Variants in MTUS1 observed in about 807,000 individuals in gnomAD.
The protein encoded by MTUS1 is microtubule-associated tumor suppressor 1.
In MTUS1, 109 loss-of-function variants were observed where a neutral mutation model predicts 120.8. The observed-to-expected ratio is 0.90, with a 90% CI of 0.77 to 1.06. MTUS1 has a LOEUF of 1.06. Among genes scored for constraint, MTUS1 ranks in the 50% least tolerant of loss-of-function variants. The pLI is 0.00. For synonymous variants in MTUS1, 737 were observed against 550.5 expected (o/e 1.34, Z -4.74); for missense variants, 2,210 against 1,486.3 (o/e 1.49, Z -8.01).
At chr8:17,734,238 T>G (rs1434830807) in intron 3 of MTUS1, 1 of 152,256 alleles carries the variant, frequency 6.6e-6, no homozygotes, top group Non-Finnish European at 1.5e-5. Context: ...GTAAATACGT[T>G]GCAGAACACA....
rs548828043 is a variant in MTUS1, at chr8:17,792,423, G to A, written c.-155+8638C>T. Among the ~76,000 whole-genome samples the A allele has an allele frequency of 6.6e-4, 100 of 152,286 alleles. 1 individual carries two copies. The highest frequency in any genetic ancestry group is 2.2e-3 in the African/African-American group (93 of 41,574). ...ACTTTCCAACAAAATAGTCTTATCT[G>A]CAATATAAAATGGTTTAGGTTTTCT... is the stretch of plus-strand genomic sequence containing the variant. On this transcript the variant is annotated intron_variant, in intron 1 of 14. Coordinates refer to ENST00000693296, the MANE Select transcript of MTUS1 (RefSeq NM_001363059.2).
chr8:17,647,725 C>T (rs1420963114), intron 13 of MTUS1, among the ~76,000 whole-genome samples: 2 of 152,162 alleles, frequency 1.3e-5, no homozygotes, highest in Admixed American at 6.6e-5. Context: ...TCAAGGCAAA[C>T]AAACTGATCA....
intron 2 of MTUS1, among the ~76,000 whole-genome samples, chr8:17,751,721 G>A (rs906048339): frequency 1.3e-5 from 2 of 151,842 alleles, no homozygotes; most frequent in African/African-American, 2.4e-5. Flanking sequence ...AGCTGGATGT[G>A]GTGGTGCACG....
intron 2 of MTUS1, among the ~76,000 whole-genome samples, chr8:17,750,876 T>C (rs560694000): frequency 2.6e-4 from 39 of 152,290 alleles, no homozygotes; most frequent in African/African-American, 9.4e-4. Context: ...CCGTTTCAAA[T>C]AAAAATCAAG....
chr8:17,718,220 A>C (rs1215453826), intron 4 of MTUS1, among the ~76,000 whole-genome samples: 2 of 152,200 alleles, frequency 1.3e-5, no homozygotes, highest in Non-Finnish European at 2.9e-5. Flanking sequence ...TTCTGTTCCT[A>C]ACATGGCAAC....
chr8:17,682,440 C>G (rs1490605530), intron 7 of MTUS1, among the ~76,000 whole-genome samples: 2 of 150,340 alleles, frequency 1.3e-5, no homozygotes, highest in Non-Finnish European at 2.9e-5. Context: ...ATCACTTGAA[C>G]CCGGGAGGTG....
At chr8:17,662,147 T>G (rs564114033) in intron 8 of MTUS1, among the ~76,000 whole-genome samples, 3 of 152,080 alleles carry the variant, frequency 2.0e-5, no homozygotes, top group Non-Finnish European at 4.4e-5. Context: ...GTGCCACCTG[T>G]GTGTGCTCTC....
Position 17,655,886 on chromosome 8 carries a change from A to G in MTUS1, c.3085T>C (p.Tyr1029His). ...ACCTGCTCTTGCAATTGCATTTTGTACTTCTCTGCTTCTTCAATGTAAGTG... is the reference window on the plus strand; with the variant it reads ...ACCTGCTCTTGCAATTGCATTTTGTGCTTCTCTGCTTCTTCAATGTAAGTG... ...RDTYIEEAEK[Y>H]KMQLQEQFDN... Residue 1029 changes from tyrosine (Y) to histidine (H), a missense_variant, in exon 9 of 15, where the codon TAC becomes CAC. Transcript: ENST00000693296. The G allele has an allele frequency of 6.2e-7, 1 of 1,614,240 alleles. No homozygotes were observed. Among genetic ancestry groups the G allele is most frequent in the South Asian group, 1.1e-5 (1 of 91,088 alleles).
At chr8:17,658,756 C>T (rs1809020112) in intron 8 of MTUS1, among the ~76,000 whole-genome samples, 1 of 152,130 alleles carries the variant, frequency 6.6e-6, no homozygotes, top group South Asian at 2.1e-4. Context: ...ATGGCAGGTT[C>T]TTAGGAAGAT....
chr8:17,750,510 G>T (rs988582417), intron 2 of MTUS1, among the ~76,000 whole-genome samples: 1 of 152,134 alleles, frequency 6.6e-6, no homozygotes, highest in Admixed American at 6.5e-5. Context: ...TTTTGAAACC[G>T]TATGGTGTAT....
rs2051368785 is a variant in MTUS1 at position 17,787,143 on chromosome 8, T to TG, written c.-155+13917dup. ...CTGCCAAGGAGGGGCCACCGCTCCC[T>TG]GACACCCTGTCAATTCCACTGCTCC... On this transcript the variant is annotated intron_variant, in intron 1 of 14. Coordinates refer to ENST00000693296, the MANE Select transcript of MTUS1 (RefSeq NM_001363059.2). Among the ~76,000 whole-genome samples, 3 of 152,292 alleles carry TG rather than the reference T, an allele frequency of 2.0e-5. No homozygotes were observed. The South Asian group carries it at 6.2e-4, about 32-fold the overall frequency.
chr8:17,747,009 T>C (rs2047807556), intron 2 of MTUS1, among the ~76,000 whole-genome samples: 1 of 152,340 alleles, frequency 6.6e-6, no homozygotes, highest in South Asian at 2.1e-4. Context: ...ACTGAAACGA[T>C]GTCCACAGGA....
intron 1 of MTUS1, among the ~76,000 whole-genome samples, chr8:17,768,734 A>T (rs2049770926): frequency 6.6e-6 from 1 of 152,120 alleles, no homozygotes; most frequent in Non-Finnish European, 1.5e-5. Context: ...AAAAAACAAA[A>T]ACAAAAAACC....
At chr8:17,741,984 A>C (rs1282612281) in intron 3 of MTUS1, among the ~76,000 whole-genome samples, 1 of 152,124 alleles carries the variant, frequency 6.6e-6, no homozygotes, top group East Asian at 1.9e-4. Context: ...CAGGGGCCAC[A>C]CTCCAGTGCC....
rs1327347133 is a variant in MTUS1, at chr8:17,675,211, T to C, written c.2880A>G (p.Glu960=). ...CTAGCTCTCCCCGGAGGTTAACAAG[T>C]TCTTGAGATAGGGTTTTGTGTTGTT... The part of the protein sequence containing the change: ...ALKQHKTLSQ[E]LVNLRGELVT... Residue 960 remains glutamate, a synonymous_variant, in exon 8 of 15, where the codon GAA becomes GAG. Transcript: ENST00000693296. 2 of 1,614,140 alleles carry C rather than the reference T, an allele frequency of 1.2e-6. No homozygotes were observed. Among genetic ancestry groups the C allele is most frequent in the Admixed American group, 3.3e-5 (2 of 60,016 alleles).
chr8:17,739,080 C>T (rs1047414984), intron 3 of MTUS1, among the ~76,000 whole-genome samples: 1 of 152,058 alleles, frequency 6.6e-6, no homozygotes, highest in Non-Finnish European at 1.5e-5. Context: ...GAATTCAAGG[C>T]TGCAGTGATC....
intron 8 of MTUS1, among the ~76,000 whole-genome samples, chr8:17,664,802 A>T (rs1214028481): frequency 6.6e-6 from 1 of 152,064 alleles, no homozygotes; most frequent in Non-Finnish European, 1.5e-5. Context: ...TGACCCCCTT[A>T]AGCCAAGGTC....
At chr8:17,706,066 T>A (rs1201177933) in intron 6 of MTUS1, 1 of 152,178 alleles carries the variant, frequency 6.6e-6, no homozygotes, top group Non-Finnish European at 1.5e-5. Flanking sequence ...AGGTTGGTTC[T>A]TGACTTTAAG....
intron 1 of MTUS1, among the ~76,000 whole-genome samples, chr8:17,772,737 A>G (rs978646306): frequency 6.6e-6 from 1 of 152,192 alleles, no homozygotes; most frequent in African/African-American, 2.4e-5. Context: ...CACTAAGTAA[A>G]AGCATTTCAG....
Sources: gnomAD v4.1 joint callset for allele counts (sites outside exome capture counted in the v4.1 genomes callset) on GRCh38, gnomAD v4.1.1 for gene constraint, MANE v1.5 for transcripts, NCBI Gene and HGNC (gene_info 2026-07-23, HGNC 2026-07-21) for gene names.